The following CLYBL variants were observed in gnomAD, a reference collection of about 807,000 sequenced individuals.
CLYBL encodes the protein citramalyl-CoA lyase, also known as citramalyl-CoA lyase, mitochondrial.
In CLYBL, 31 loss-of-function variants were observed where a neutral mutation model predicts 38.9. That is an observed-to-expected ratio of 0.80 (90% CI 0.60 to 1.08). The LOEUF is 1.08. CLYBL is among the 50% of genes least tolerant of loss of function. The pLI, the probability that CLYBL is intolerant of heterozygous loss-of-function variation, is 0.00. For synonymous variants in CLYBL, 171 were observed against 158.6 expected, an observed-to-expected ratio of 1.08 and a Z score of -0.59; for missense variants, 434 against 411.6, an observed-to-expected ratio of 1.05 and a Z score of -0.47.
intron 1 of CLYBL, among the ~76,000 whole-genome samples, chr13:99,707,067 A>G (rs2048157712): frequency 6.6e-6 from 1 of 152,160 alleles, no homozygotes; most frequent in South Asian, 2.1e-4. Flanking sequence ...CCCCAAGACA[A>G]GATAGAAGCT....
intron 1 of CLYBL, among the ~76,000 whole-genome samples, chr13:99,625,241 G>A (rs886375828): frequency 2.6e-5 from 4 of 152,244 alleles, no homozygotes; most frequent in Non-Finnish European, 5.9e-5. Flanking sequence ...GAACCTGGGG[G>A]AAACTGCTAA....
chr13:99,888,648 G>A (rs1033200622), intron 7 of CLYBL, among the ~76,000 whole-genome samples: 9 of 152,158 alleles, frequency 5.9e-5, no homozygotes, highest in Non-Finnish European at 1.0e-4. Flanking sequence ...AGCTAGTTGG[G>A]AGGCTGAGGC....
chr13:99,785,628 G>T (rs760916276), intron 2 of CLYBL, among the ~76,000 whole-genome samples: 24 of 145,860 alleles, frequency 1.6e-4, no homozygotes, highest in Non-Finnish European at 2.7e-4. Flanking sequence ...ATGGAGTCTC[G>T]CTCTGTCACC....
At chr13:99,870,846 A>G (rs1330390950) in intron 6 of CLYBL, 92 bp from the exon 7 acceptor site, 7 of 1,317,474 alleles carry the variant, frequency 5.3e-6, no homozygotes, top group African/African-American at 1.5e-5. Context: ...CATACAGTCT[A>G]TGAGGCCTTC....
At chr13:99,628,620 T>C (rs2046901640) in intron 1 of CLYBL, among the ~76,000 whole-genome samples, 1 of 152,208 alleles carries the variant, frequency 6.6e-6, no homozygotes, top group Non-Finnish European at 1.5e-5. Context: ...TTTAAGACAC[T>C]GGAAGGTGTC....
At chr13:99,710,495 A>G (rs2048213829) in intron 1 of CLYBL, among the ~76,000 whole-genome samples, 2 of 152,136 alleles carry the variant, frequency 1.3e-5, no homozygotes, top group African/African-American at 4.8e-5. Flanking sequence ...ACTTATGAAG[A>G]CAATGTAGGA....
intron 1 of CLYBL, among the ~76,000 whole-genome samples, chr13:99,733,700 G>C (rs2139578870): frequency 6.6e-6 from 1 of 152,318 alleles, no homozygotes; most frequent in South Asian, 2.1e-4. Flanking sequence ...GCACGTCTCT[G>C]TTCCTTCTGA....
At chr13:99,701,743 C>T (rs1332824333) in intron 1 of CLYBL, among the ~76,000 whole-genome samples, 20 of 152,184 alleles carry the variant, frequency 1.3e-4, no homozygotes, top group Admixed American at 1.3e-3. Flanking sequence ...GGTGTGATCT[C>T]AGCTCACTGC....
At chr13:99,634,411 A>G (rs1169528199) in intron 1 of CLYBL, among the ~76,000 whole-genome samples, 1 of 152,198 alleles carries the variant, frequency 6.6e-6, no homozygotes, top group Non-Finnish European at 1.5e-5. Flanking sequence ...ATAAAAAGAA[A>G]TGAACCAGAA....
At chr13:99,895,185 G>C (rs545342590), downstream of CLYBL, 7 of 152,248 alleles carry the variant, frequency 4.6e-5, no homozygotes, top group East Asian at 1.2e-3. Context: ...TCGGGAAACT[G>C]ACTTTCTTCA....
At chr13:99,765,868 T>A (rs2049259932) in intron 1 of CLYBL, among the ~76,000 whole-genome samples, 1 of 149,418 alleles carries the variant, frequency 6.7e-6, no homozygotes, top group African/African-American at 2.5e-5. Context: ...TTTTTTTTTT[T>A]AAAGACAGGT....
chr13:99,608,604 A>C (rs1264364376), intron 1 of CLYBL, among the ~76,000 whole-genome samples: 6 of 152,050 alleles, frequency 3.9e-5, no homozygotes, highest in Non-Finnish European at 8.8e-5. Context: ...CCTGTTCAGT[A>C]GCGGGTCCAG....
In CLYBL at chr13:99,905,510, T is replaced by G. The variant is rs552622583; in HGVS notation, c.*160+105T>G. ...TCTAGGAAGTGAAAGCTGGGGGCAG[T>G]GGAGCCCTTTCTTATTCTGTCCACC... On this transcript the variant is annotated intron_variant and NMD_transcript_variant, in intron 9 of 9. Transcript: ENST00000689673. 3.9e-5 allele frequency among the ~76,000 whole-genome samples: 6 copies of G among 152,224 alleles called. No individual in the cohort carries two copies. In the East Asian group the frequency reaches 1.2e-3, roughly 30 times the overall value.
At chr13:99,673,954 AG>A (rs2047605025) in intron 1 of CLYBL, among the ~76,000 whole-genome samples, 1 of 152,052 alleles carries the variant, frequency 6.6e-6, no homozygotes, top group Non-Finnish European at 1.5e-5. Flanking sequence ...GAAATAAAAG[AG>A]GAGTCAAGGA....
At chr13:99,801,262 T>C (rs563065469) in intron 2 of CLYBL, among the ~76,000 whole-genome samples, 1 of 152,296 alleles carries the variant, frequency 6.6e-6, no homozygotes, top group African/African-American at 2.4e-5. Flanking sequence ...TTTTCCCTTT[T>C]CCCCCTGCCT....
intron 1 of CLYBL, among the ~76,000 whole-genome samples, chr13:99,633,950 T>A (rs1263365290): frequency 6.6e-6 from 1 of 152,010 alleles, no homozygotes; most frequent in Non-Finnish European, 1.5e-5. Context: ...AAAAAGAGAT[T>A]AGGGCAGAAA....
intron 1 of CLYBL, among the ~76,000 whole-genome samples, chr13:99,768,151 C>CTGAG (rs1342639960): frequency 3.3e-5 from 5 of 149,934 alleles, no homozygotes; most frequent in Non-Finnish European, 5.9e-5. Flanking sequence ...AAATATAAGC[C>CTGAG]TGAGGTATAA....
intron 2 of CLYBL, among the ~76,000 whole-genome samples, chr13:99,782,937 A>G (rs1195821032): frequency 1.4e-5 from 2 of 143,710 alleles, no homozygotes; most frequent in East Asian, 3.9e-4. Context: ...TCTCTGTGTT[A>G]CATTCTCAGT....
At position 99,865,625 on chromosome 13, in the gene CLYBL, A is replaced by C. The variant is rs2051721974; in HGVS notation, c.635-615A>C. ...GACACTTCCCTCCCCTCAGGGTGAA[A>C]AAACTGAATTTATTTGAATACGAGT... On this transcript the variant is annotated intron_variant, in intron 5 of 8. Coordinates refer to ENST00000339105, the MANE Select transcript of CLYBL (RefSeq NM_206808.5). The surrounding 1 kb of genome is among the most constrained non-coding windows in gnomAD (Gnocchi z 4.7). Among the ~76,000 whole-genome samples the C allele has an allele frequency of 6.6e-6, 1 of 152,144 alleles. No individual in the cohort carries two copies. Among genetic ancestry groups the C allele is most frequent in the Non-Finnish European group, 1.5e-5 (1 of 68,026 alleles).
Sources: gnomAD v4.1 joint callset for allele counts (sites outside exome capture counted in the v4.1 genomes callset) on GRCh38, gnomAD v4.1.1 for gene constraint, Gnocchi (gnomAD v3.1) non-coding constraint, MANE v1.5 for transcripts, NCBI Gene and HGNC (gene_info 2026-07-23, HGNC 2026-07-21) for gene names.